GRM8: variants seen among roughly 807,000 people sequenced by gnomAD.
GRM8 encodes glutamate metabotropic receptor 8.
A neutral mutation model predicts 87.2 loss-of-function variants in GRM8; 47 were observed. That is an observed-to-expected ratio of 0.54 (90% confidence interval 0.43 to 0.69). The LOEUF (loss-of-function observed/expected upper bound fraction) is 0.69. GRM8 is among the 30% of genes least tolerant of loss of function. GRM8 has a pLI of 0.00. For missense variants in GRM8, 1,019 were observed against 1,139.2 expected, an observed-to-expected ratio of 0.89 and a Z score of 1.52; for synonymous variants, 396 against 404.5, an observed-to-expected ratio of 0.98 and a Z score of 0.25.
chr7:127,079,961 A>G (rs1822677803), intron 3 of GRM8, among the ~76,000 whole-genome samples: 1 of 152,200 alleles, frequency 6.6e-6, no homozygotes, highest in Admixed American at 6.5e-5. Flanking sequence ...TCCCTGTGGT[A>G]CACAGAAAAA....
intron 6 of GRM8, among the ~76,000 whole-genome samples, chr7:126,838,297 C>T (rs2283077): frequency 0.012 from 1,830 of 152,212 alleles, 42 homozygotes; most frequent in East Asian, 0.068. Context: ...AAACATCAGC[C>T]AATAAAACAT....
chr7:126,524,977 T>C (rs73447036), intron 9 of GRM8, among the ~76,000 whole-genome samples: 3,878 of 152,310 alleles, frequency 0.025, 149 homozygotes, highest in African/African-American at 0.085. Context: ...GGATTTTTTT[T>C]TTGAGTCAGT....
In GRM8 at chr7:127,150,770, T is replaced by C. The variant is rs546138297; in HGVS notation, c.511-44058A>G. On this transcript the variant is annotated intron_variant, in intron 2 of 10. Coordinates refer to ENST00000339582, the MANE Select transcript of GRM8 (RefSeq NM_000845.3). Reference sequence around the variant, plus strand: ...TTCTGTTCAAGGAGAGTAGAGTCTGTATGGGTCTTATTACACAGTGTGGGC... The same window carrying C: ...TTCTGTTCAAGGAGAGTAGAGTCTGCATGGGTCTTATTACACAGTGTGGGC... Among the ~76,000 whole-genome samples the C allele has an allele frequency of 2.0e-4, 30 of 152,178 alleles. No homozygotes were observed. The East Asian group carries it at 5.4e-3, about 28-fold the overall frequency.
intron 6 of GRM8, among the ~76,000 whole-genome samples, chr7:126,877,560 C>A (rs538913301): frequency 3.6e-4 from 54 of 152,028 alleles, no homozygotes; most frequent in Non-Finnish European, 6.3e-4. Flanking sequence ...CTGGACTACT[C>A]AAATTTCTCA....
intron 9 of GRM8, among the ~76,000 whole-genome samples, chr7:126,523,207 T>C (rs1379183811): frequency 6.6e-6 from 1 of 152,194 alleles, no homozygotes; most frequent in Non-Finnish European, 1.5e-5. Flanking sequence ...GCCCCTAATA[T>C]GAAAATGTAC....
intron 2 of GRM8, among the ~76,000 whole-genome samples, chr7:127,227,397 C>A (rs772346948): frequency 9.2e-5 from 14 of 152,202 alleles, no homozygotes; most frequent in East Asian, 1.9e-4. Flanking sequence ...ATCCATCCAA[C>A]CATTCTAGAC....
intron 9 of GRM8, among the ~76,000 whole-genome samples, chr7:126,452,364 T>C (rs10276386): frequency 0.62 from 90,826 of 146,902 alleles, 28,328 homozygotes; most frequent in Middle Eastern, 0.74. Context: ...AGCACACCAA[T>C]ATGGCACATG....
At chr7:126,607,293 A>G (rs1420843423) in intron 8 of GRM8, among the ~76,000 whole-genome samples, 1 of 152,234 alleles carries the variant, frequency 6.6e-6, no homozygotes, top group Non-Finnish European at 1.5e-5. Flanking sequence ...TAGAAACATA[A>G]GCTGTCTGTG....
chr7:127,233,881 C>T (rs1255494722), intron 2 of GRM8, among the ~76,000 whole-genome samples: 2 of 152,192 alleles, frequency 1.3e-5, no homozygotes, highest in African/African-American at 2.4e-5. Context: ...GACCCCTACA[C>T]CTTGCCAGCC....
At chr7:126,833,234 C>A (rs867820667) in intron 6 of GRM8, among the ~76,000 whole-genome samples, 2 of 152,222 alleles carry the variant, frequency 1.3e-5, no homozygotes, top group South Asian at 4.2e-4. Context: ...AGAGGCGGTA[C>A]AAAGATAGCT....
intron 9 of GRM8, among the ~76,000 whole-genome samples, chr7:126,530,732 T>C (rs1322531865): frequency 6.6e-6 from 1 of 152,258 alleles, no homozygotes; most frequent in Non-Finnish European, 1.5e-5. Flanking sequence ...CTTATAGAGA[T>C]ATACAAGTTT....
intron 7 of GRM8, among the ~76,000 whole-genome samples, chr7:126,623,406 G>A (rs574974872): frequency 1.6e-3 from 240 of 152,162 alleles, no homozygotes; most frequent in Non-Finnish European, 2.7e-3. Context: ...GGTACTTTAT[G>A]CACTTATTTC....
chr7:126,553,490 T>C (rs1305558104), intron 8 of GRM8, among the ~76,000 whole-genome samples: 1 of 152,194 alleles, frequency 6.6e-6, no homozygotes, highest in Non-Finnish European at 1.5e-5. Context: ...AACAATATTT[T>C]GTTTGACCAA....
intron 2 of GRM8, among the ~76,000 whole-genome samples, chr7:127,187,200 C>T (rs546227091): frequency 6.6e-6 from 1 of 152,220 alleles, no homozygotes; most frequent in South Asian, 2.1e-4. Context: ...CTGCCTTCTT[C>T]CTAGTGGTAT....
chr7:126,602,289 T>C (rs1189468538), intron 8 of GRM8, among the ~76,000 whole-genome samples: 1 of 146,842 alleles, frequency 6.8e-6, no homozygotes, highest in African/African-American at 2.5e-5. Context: ...TCCATTGATC[T>C]ATATCTCTGT....
At chr7:126,576,030 T>A (rs959105809) in intron 8 of GRM8, among the ~76,000 whole-genome samples, 1 of 152,182 alleles carries the variant, frequency 6.6e-6, no homozygotes, top group Non-Finnish European at 1.5e-5. Context: ...TGGAGAGTCA[T>A]GAGTAAGCCC....
intron 8 of GRM8, among the ~76,000 whole-genome samples, chr7:126,566,525 A>C (rs1794231365): frequency 1.3e-5 from 2 of 152,238 alleles, no homozygotes; most frequent in Admixed American, 1.3e-4. Context: ...TTATCAAAAA[A>C]ACAACCAATG....
intron 3 of GRM8, among the ~76,000 whole-genome samples, chr7:126,907,292 G>A (rs1051394457): frequency 6.8e-6 from 1 of 148,038 alleles, no homozygotes; most frequent in Non-Finnish European, 1.5e-5. Context: ...GAAAGGGGAG[G>A]AGGAAGAGGG....
At chr7:126,744,129 A>G (rs1815349220) in intron 7 of GRM8, among the ~76,000 whole-genome samples, 1 of 152,074 alleles carries the variant, frequency 6.6e-6, no homozygotes, top group Non-Finnish European at 1.5e-5. Context: ...GTGAAATGTA[A>G]AACTAAAGCA....
Sources: gnomAD v4.1 joint callset for allele counts (sites outside exome capture counted in the v4.1 genomes callset) on GRCh38, gnomAD v4.1.1 for gene constraint, MANE v1.5 for transcripts, NCBI Gene and HGNC (gene_info 2026-07-23, HGNC 2026-07-21) for gene names.